SESN1: variants seen among roughly 807,000 people sequenced by gnomAD.
The protein encoded by SESN1 is sestrin 1.
Under a neutral mutation model 59.3 loss-of-function variants are expected in SESN1, and 30 were observed. That is an observed-to-expected ratio of 0.51 (90% CI 0.38 to 0.69). The LOEUF is 0.69. Among genes scored for constraint, SESN1 ranks in the 30% least tolerant of loss-of-function variants. The pLI, the probability that SESN1 is intolerant of heterozygous loss-of-function variation, is 0.00. For missense variants in SESN1, 566 were observed against 673.0 expected, an observed-to-expected ratio of 0.84 and a Z score of 1.76; for synonymous variants, 197 against 219.9, an observed-to-expected ratio of 0.90 and a Z score of 0.92.
chr6:109,019,899 G>T (rs950009988), intron 1 of SESN1, among the ~76,000 whole-genome samples: 1 of 152,030 alleles, frequency 6.6e-6, no homozygotes, highest in Non-Finnish European at 1.5e-5. Flanking sequence ...TCATAAATAC[G>T]CATTAAAATG....
chr6:109,026,040 A>C (rs1305192908), intron 1 of SESN1, among the ~76,000 whole-genome samples: 1 of 152,144 alleles, frequency 6.6e-6, no homozygotes, highest in Non-Finnish European at 1.5e-5. Flanking sequence ...AAAAATTTCA[A>C]GGAAAGAGAT....
chr6:109,091,648 T>C (rs1285338997), intron 1 of SESN1, among the ~76,000 whole-genome samples: 2 of 152,246 alleles, frequency 1.3e-5, no homozygotes, highest in Admixed American at 1.3e-4. Flanking sequence ...TTAAATGTCA[T>C]TGCCTCAGGA....
chr6:109,002,194 A>G, intron 2 of SESN1, 84 bp downstream of exon 2: 2 of 1,176,058 alleles, frequency 1.7e-6, no homozygotes, highest in South Asian at 2.5e-5. Context: ...GTTGACCAAC[A>G]GTTCTTCAGA....
chr6:109,077,074 T>C (rs1032686236), intron 1 of SESN1, among the ~76,000 whole-genome samples: 3 of 152,166 alleles, frequency 2.0e-5, no homozygotes, highest in African/African-American at 7.2e-5. Context: ...AGTATTTTTG[T>C]ATCTAAACAT....
intron 1 of SESN1, 39 bp from the exon 2 acceptor site, chr6:109,002,382 T>A: frequency 6.5e-7 from 1 of 1,540,010 alleles, no homozygotes; most frequent in Non-Finnish European, 9.0e-7. Flanking sequence ...CCTTTGGCAG[T>A]AAACAAAATG....
intron 1 of SESN1, among the ~76,000 whole-genome samples, chr6:109,015,919 T>G (rs1407079603): frequency 6.6e-6 from 1 of 152,236 alleles, no homozygotes; most frequent in Non-Finnish European, 1.5e-5. Flanking sequence ...CTCATAGTGC[T>G]TCTATTTGTG....
intron 1 of SESN1, among the ~76,000 whole-genome samples, chr6:109,076,626 A>G (rs967046195): frequency 6.6e-6 from 1 of 152,202 alleles, no homozygotes; most frequent in African/African-American, 2.4e-5. Flanking sequence ...AACAAAAATG[A>G]GGCCAAAACT....
At chr6:109,017,416 G>C (rs1779944655) in intron 1 of SESN1, among the ~76,000 whole-genome samples, 1 of 152,078 alleles carries the variant, frequency 6.6e-6, no homozygotes, top group South Asian at 2.1e-4. Flanking sequence ...CTCCCAAGCA[G>C]CTGGGACTAC....
chr6:108,997,264 AT>A (rs1583262577), intron 5 of SESN1, among the ~76,000 whole-genome samples: 1 of 152,190 alleles, frequency 6.6e-6, no homozygotes, highest in Non-Finnish European at 1.5e-5. Flanking sequence ...ACTAGAAACA[AT>A]CAAGTACTTT....
chr6:109,063,811 G>A (rs1347280667), intron 1 of SESN1, among the ~76,000 whole-genome samples: 1 of 150,726 alleles, frequency 6.6e-6, no homozygotes, highest in African/African-American at 2.4e-5. Flanking sequence ...TACATATTGT[G>A]AAGTTAACAC....
intron 1 of SESN1, among the ~76,000 whole-genome samples, chr6:109,066,372 A>T (rs114652194): frequency 1.3e-5 from 2 of 151,300 alleles, no homozygotes; most frequent in African/African-American, 4.9e-5. Flanking sequence ...GCAGTAGGGG[A>T]AGAGGGTTAT....
chr6:109,080,961 T>C (rs1350362300), intron 1 of SESN1, among the ~76,000 whole-genome samples: 1 of 152,044 alleles, frequency 6.6e-6, no homozygotes, highest in Non-Finnish European at 1.5e-5. Flanking sequence ...AAGGTATATA[T>C]AAAACAGATA....
chr6:109,028,334 C>T (rs1780127870), intron 1 of SESN1, among the ~76,000 whole-genome samples: 1 of 152,082 alleles, frequency 6.6e-6, no homozygotes, highest in South Asian at 2.1e-4. Flanking sequence ...AATTATTAAA[C>T]ATTCTACAGT....
chr6:109,040,273 TTTTTA>T, intron 1 of SESN1, among the ~76,000 whole-genome samples: 1 of 152,192 alleles, frequency 6.6e-6, no homozygotes, highest in East Asian at 1.9e-4. Flanking sequence ...ATGACATTCC[TTTTTA>T]TTATATTTAA....
intron 2 of SESN1, 124 bp from the exon 3 acceptor site, chr6:109,001,612 G>A: frequency 2.4e-6 from 2 of 828,318 alleles, no homozygotes; most frequent in Non-Finnish European, 3.8e-6. Flanking sequence ...AGAAAGAGGG[G>A]TTACAAATTT....
intron 1 of SESN1, among the ~76,000 whole-genome samples, chr6:109,087,243 G>C (rs1781227879): frequency 6.6e-6 from 1 of 152,064 alleles, no homozygotes; most frequent in Admixed American, 6.6e-5. Context: ...AGGACAGGAT[G>C]TATTTATATA....
intron 1 of SESN1, among the ~76,000 whole-genome samples, chr6:109,087,808 T>C (rs1781238401): frequency 6.6e-6 from 1 of 152,236 alleles, no homozygotes; most frequent in Non-Finnish European, 1.5e-5. Flanking sequence ...AGTATGCTTC[T>C]AATCTAATCG....
chr6:109,009,580 A>C, intron 1 of SESN1: 2 of 1,079,980 alleles, frequency 1.9e-6, no homozygotes, highest in Non-Finnish European at 2.2e-6. Flanking sequence ...GCGCCGACAA[A>C]CAAGCCGCGC....
intron 1 of SESN1, among the ~76,000 whole-genome samples, chr6:109,061,443 A>G (rs1780730909): frequency 6.6e-6 from 1 of 152,242 alleles, no homozygotes; most frequent in South Asian, 2.1e-4. Context: ...AAGGGGATGT[A>G]TCAGAATTAA....
Sources: allele counts gnomAD v4.1 joint callset (sites outside exome capture counted in the v4.1 genomes callset), GRCh38; gene constraint gnomAD v4.1.1; transcripts MANE v1.5; gene names NCBI Gene and HGNC (gene_info 2026-07-23, HGNC 2026-07-21).